ARID1B: variants seen among roughly 807,000 people sequenced by gnomAD.
The protein encoded by ARID1B is AT-rich interaction domain 1B.
In ARID1B, 30 loss-of-function variants were observed where a neutral mutation model predicts 212.3. The observed-to-expected ratio is 0.14, with a 90% CI of 0.11 to 0.19. ARID1B has a LOEUF of 0.19. Ranked by LOEUF, ARID1B falls within the 10% of genes least tolerant of loss-of-function variation. The pLI, the probability that ARID1B is intolerant of heterozygous loss-of-function variation, is 1.00. For synonymous variants in ARID1B, 1,402 were observed against 1,301.7 expected (o/e 1.08, Z -1.66); for missense variants, 2,891 against 3,204.0 (o/e 0.90, Z 2.36).
chr6:157,101,442 C>G (rs6909952), intron 5 of ARID1B, among the ~76,000 whole-genome samples: 39,298 of 152,032 alleles, frequency 0.26, 6,442 homozygotes, highest in African/African-American at 0.47. Flanking sequence ...GCCACTGTCA[C>G]AGAGTTTATG....
chr6:157,131,921 C>T (rs1327638655), intron 6 of ARID1B, among the ~76,000 whole-genome samples: 1 of 152,164 alleles, frequency 6.6e-6, no homozygotes, highest in Non-Finnish European at 1.5e-5. Flanking sequence ...GAACTCCTGT[C>T]CTCGTGATCC....
intron 4 of ARID1B, among the ~76,000 whole-genome samples, chr6:157,068,527 AG>A (rs1783820153): frequency 2.0e-5 from 3 of 152,260 alleles, no homozygotes; most frequent in Admixed American, 2.0e-4. Context: ...GGTAGAAATT[AG>A]AAAACAAGAG....
At chr6:157,113,362 A>G (rs187924779) in intron 6 of ARID1B, among the ~76,000 whole-genome samples, 43 of 152,352 alleles carry the variant, frequency 2.8e-4, no homozygotes, top group African/African-American at 9.9e-4. Context: ...TCACACTGCT[A>G]TAAAGAACTA....
At chr6:157,028,850 C>T (rs1305668746) in intron 4 of ARID1B, among the ~76,000 whole-genome samples, 16 of 152,216 alleles carry the variant, frequency 1.1e-4, no homozygotes, top group Non-Finnish European at 1.5e-5. Flanking sequence ...GTAGCATAGG[C>T]AGATATTCTT....
chr6:157,065,973 A>C (rs901460427), intron 4 of ARID1B, among the ~76,000 whole-genome samples: 2 of 152,194 alleles, frequency 1.3e-5, no homozygotes, highest in African/African-American at 4.8e-5. Flanking sequence ...CAGGACCCCA[A>C]AAGCCCTCTT....
At chr6:156,971,307 G>A (rs1776907141) in intron 4 of ARID1B, among the ~76,000 whole-genome samples, 1 of 152,206 alleles carries the variant, frequency 6.6e-6, no homozygotes, top group South Asian at 2.1e-4. Context: ...TGAACAAAGA[G>A]CTCAGCATAG....
Position 156,901,426 on chromosome 6 carries a change from C to A in ARID1B, c.2037C>A (p.Gly679=). The A allele has an allele frequency of 6.2e-7, 1 of 1,614,046 alleles. No homozygotes were observed. The highest frequency in any genetic ancestry group is 1.7e-4 in the Middle Eastern group (1 of 6,060). ...QQGVSGYCQQ[G]QQPYYSQQPQ... The stretch of plus-strand genomic sequence containing the variant: ...GTGTGAGTGGTTACTGCCAGCAGGG[C>A]CAACAGCCATATTACAGCCAGCAGC... Residue 679 remains glycine (G), a synonymous_variant, in exon 3 of 20, where the codon GGC becomes GGA. Transcript: ENST00000636930.
At chr6:156,794,445 C>G (rs1347579037) in intron 1 of ARID1B, among the ~76,000 whole-genome samples, 1 of 151,870 alleles carries the variant, frequency 6.6e-6, no homozygotes, top group Non-Finnish European at 1.5e-5. Context: ...AGATGGGGGT[C>G]TTGCTGTGTT....
intron 19 of ARID1B, 128 bp downstream of exon 19, chr6:157,204,124 G>C: frequency 4.1e-6 from 5 of 1,209,958 alleles, no homozygotes; most frequent in Non-Finnish European, 5.9e-6. Context: ...CACTGCAGTT[G>C]TTATCAACCA....
At chr6:157,183,338 C>T (rs1792702057) in intron 12 of ARID1B, among the ~76,000 whole-genome samples, 1 of 152,178 alleles carries the variant, frequency 6.6e-6, no homozygotes, top group Admixed American at 6.5e-5. Flanking sequence ...AGTAAATGGA[C>T]AGAAGAGCCG....
chr6:156,863,221 G>T (rs760542143), intron 2 of ARID1B, among the ~76,000 whole-genome samples: 6 of 152,186 alleles, frequency 3.9e-5, no homozygotes, highest in Non-Finnish European at 8.8e-5. Flanking sequence ...ACAAAGACCA[G>T]AATAAGATGG....
chr6:157,090,853 T>C (rs935928710), intron 5 of ARID1B, among the ~76,000 whole-genome samples: 21 of 152,062 alleles, frequency 1.4e-4, no homozygotes, highest in African/African-American at 4.6e-4. Context: ...ACTGCTCCCA[T>C]CTTTTTCTAC....
chr6:157,033,584 T>G (rs2128499866), intron 4 of ARID1B, among the ~76,000 whole-genome samples: 1 of 152,296 alleles, frequency 6.6e-6, no homozygotes, highest in East Asian at 1.9e-4. Context: ...ATTTTCTTAC[T>G]GGAATGATTG....
chr6:157,177,157 TAA>T (rs1050444584), intron 11 of ARID1B, among the ~76,000 whole-genome samples: 8 of 152,232 alleles, frequency 5.3e-5, no homozygotes, highest in African/African-American at 1.7e-4. Flanking sequence ...TCCTGTACCA[TAA>T]ATAGTTTTAA....
chr6:156,926,074 G>A lies in ARID1B; in HGVS notation c.2137-9392G>A, dbSNP rs114011517. Among the ~76,000 whole-genome samples, 303 of 152,302 alleles carry A rather than the reference G, an allele frequency of 2.0e-3. 1 individual carries two copies. The highest frequency in any genetic ancestry group is 6.4e-3 in the African/African-American group (266 of 41,558). On this transcript the variant is annotated intron_variant, in intron 3 of 19. Coordinates refer to ENST00000636930, the MANE Select transcript of ARID1B (RefSeq NM_001374828.1). ...TCAAGGTCCTTAGAAGAGATCTGTG[G>A]CTGCATAAGGCTTCTTGGAGCTGGT... is the stretch of plus-strand genomic sequence containing the variant.
chr6:157,110,657 T>G, intron 6 of ARID1B, 96 bp downstream of exon 6: 1 of 1,144,448 alleles, frequency 8.7e-7, no homozygotes, highest in Non-Finnish European at 1.3e-6. Flanking sequence ...ATCATTAATT[T>G]TTTTAAAGGA....
intron 3 of ARID1B, among the ~76,000 whole-genome samples, chr6:156,906,098 T>C (rs1181099180): frequency 6.6e-6 from 1 of 151,992 alleles, no homozygotes; most frequent in Non-Finnish European, 1.5e-5. Context: ...GGGGCTGTAG[T>C]AGGGTTGGGG....
chr6:156,890,488 G>A lies in ARID1B; in HGVS notation c.1987-10888G>A, dbSNP rs187349238. ...TTTTTTAAATTTCTAAGCTAATGGG[G>A]AGGGTTAAATTATCCCAGATGTGTT... On this transcript the variant is annotated intron_variant, in intron 2 of 19. Transcript: ENST00000636930. Among the ~76,000 whole-genome samples, 1,030 of 152,292 alleles carry A rather than the reference G, an allele frequency of 6.8e-3. 2 individuals carry two copies. The highest frequency in any genetic ancestry group is 0.014 in the Middle Eastern group (4 of 294).
At chr6:156,998,212 CTTTT>C (rs569837054) in intron 4 of ARID1B, among the ~76,000 whole-genome samples, 6 of 137,630 alleles carry the variant, frequency 4.4e-5, no homozygotes, top group Admixed American at 7.3e-5. Flanking sequence ...ATCTCTCTCT[CTTTT>C]TTTTTTTTTT....
Sources: gnomAD v4.1 joint callset for allele counts (sites outside exome capture counted in the v4.1 genomes callset) on GRCh38, gnomAD v4.1.1 for gene constraint, MANE v1.5 for transcripts, NCBI Gene and HGNC (gene_info 2026-07-23, HGNC 2026-07-21) for gene names.